GRIA3: variants seen among roughly 807,000 people sequenced by gnomAD.
GRIA3 encodes glutamate ionotropic receptor AMPA type subunit 3, also known as glutamate receptor 3.
GRIA3 carries 3 observed loss-of-function variants against 63.0 expected under a neutral mutation model. The ratio of observed to expected loss-of-function variants is 0.05; its 90% CI spans 0.02 to 0.12. The LOEUF is 0.12. GRIA3 is among the 10% of genes least tolerant of loss of function. The pLI is 1.00. For synonymous variants in GRIA3, 274 were observed against 257.9 expected (o/e 1.06, Z -0.60); for missense variants, 347 against 700.9 (o/e 0.50, Z 5.70).
intron 3 of GRIA3, among the ~76,000 whole-genome samples, chrX:123,302,781 A>G (rs777958661): frequency 9.0e-6 from 1 of 111,407 alleles, no homozygotes; most frequent in Non-Finnish European, 1.9e-5. Context: ...CCTATAAGCC[A>G]GAAAGATCCA....
intron 3 of GRIA3, among the ~76,000 whole-genome samples, chrX:123,281,427 G>A: frequency 8.9e-6 from 1 of 112,107 alleles, no homozygotes; most frequent in Non-Finnish European, 1.9e-5. Context: ...TCTAGTATTT[G>A]AAAAGAAGGG....
intron 11 of GRIA3, among the ~76,000 whole-genome samples, chrX:123,425,663 T>A (rs1160571767): frequency 8.9e-6 from 1 of 111,826 alleles, no homozygotes; most frequent in Non-Finnish European, 1.9e-5. Flanking sequence ...CCAGATGTTT[T>A]TACTTCTGAT....
chrX:123,214,869 A>G (rs1569400568), intron 2 of GRIA3, among the ~76,000 whole-genome samples: 1 of 111,955 alleles, frequency 8.9e-6, no homozygotes, highest in Non-Finnish European at 1.9e-5. Context: ...TGGCATCAAA[A>G]TGCAAAGTCA....
At chrX:123,260,738 C>T (rs553602829) in intron 3 of GRIA3, among the ~76,000 whole-genome samples, 1 of 108,386 alleles carries the variant, frequency 9.2e-6, no homozygotes, top group African/African-American at 3.4e-5. Flanking sequence ...GAAGGCCCAG[C>T]GAGTACATTA....
At chrX:123,340,112 T>C (rs775018828) in intron 4 of GRIA3, among the ~76,000 whole-genome samples, 1 of 112,013 alleles carries the variant, frequency 8.9e-6, no homozygotes, top group Admixed American at 9.5e-5. Flanking sequence ...ACTATGCCAT[T>C]ACATGGACCA....
chrX:123,293,133 C>T (rs1355208683), intron 3 of GRIA3, among the ~76,000 whole-genome samples: 2 of 110,298 alleles, frequency 1.8e-5, no homozygotes, highest in African/African-American at 6.6e-5. Flanking sequence ...AAGATAGACA[C>T]GGAAGAGTAG....
chrX:123,317,658 G>A (rs1210700783), intron 3 of GRIA3, among the ~76,000 whole-genome samples: 3 of 112,130 alleles, frequency 2.7e-5, no homozygotes, highest in Non-Finnish European at 1.9e-5. Context: ...TCCCATGGTC[G>A]TGGGCAGCTC....
chrX:123,220,445 CA>C (rs762044486), intron 2 of GRIA3, among the ~76,000 whole-genome samples: 16 of 112,169 alleles, frequency 1.4e-4, no homozygotes, highest in Admixed American at 7.5e-4. Context: ...CCTGGAGACA[CA>C]AATTTGTGGT....
At chrX:123,250,657 T>C (rs768032049) in intron 2 of GRIA3, among the ~76,000 whole-genome samples, 65 of 111,697 alleles carry the variant, frequency 5.8e-4, no homozygotes, top group African/African-American at 2.0e-3. Flanking sequence ...TTGAATCATT[T>C]TGGTTGAAGG....
chrX:123,345,439 AACACACACACACACACAC>A (rs59142587), intron 4 of GRIA3, among the ~76,000 whole-genome samples: 69 of 65,870 alleles, frequency 1.0e-3, no homozygotes, highest in Admixed American at 3.5e-3. Context: ...CCCCCTTCAC[AACACACACACACACACAC>A]ACACACACAC....
At chrX:123,422,194 G>A (rs1478345105) in intron 11 of GRIA3, among the ~76,000 whole-genome samples, 2 of 111,917 alleles carry the variant, frequency 1.8e-5, no homozygotes, top group Non-Finnish European at 3.8e-5. Flanking sequence ...AAATATTATC[G>A]AGAGTGTGTA....
At chrX:123,359,220 A>G (rs1603111625) in intron 5 of GRIA3, among the ~76,000 whole-genome samples, 1 of 112,197 alleles carries the variant, frequency 8.9e-6, no homozygotes. Context: ...CAACTATCCC[A>G]GCAATTCTGT....
chrX:123,449,842 T>G (rs2147417858), intron 12 of GRIA3, among the ~76,000 whole-genome samples: 1 of 112,024 alleles, frequency 8.9e-6, no homozygotes, highest in Admixed American at 9.5e-5. Context: ...GATACCATAC[T>G]TCCTGTCACC....
intron 12 of GRIA3, among the ~76,000 whole-genome samples, chrX:123,429,051 A>T (rs1012838206): frequency 1.8e-5 from 2 of 111,826 alleles, no homozygotes; most frequent in Non-Finnish European, 3.8e-5. Context: ...CTGTAACCAC[A>T]GTAACTAGTT....
At chrX:123,309,452 CTTTAGCAT>C (rs1319513464) in intron 3 of GRIA3, among the ~76,000 whole-genome samples, 1 of 111,332 alleles carries the variant, frequency 9.0e-6, no homozygotes, top group Non-Finnish European at 1.9e-5. Context: ...ATCCTTTCCT[CTTTAGCAT>C]TGCTGCTGAT....
chrX:123,232,736 A>C (rs769199783), intron 2 of GRIA3, among the ~76,000 whole-genome samples: 1 of 111,521 alleles, frequency 9.0e-6, no homozygotes, highest in East Asian at 2.8e-4. Flanking sequence ...TAAAAAAATT[A>C]ACTGTTAATA....
intron 12 of GRIA3, among the ~76,000 whole-genome samples, chrX:123,456,863 G>A (rs995891153): frequency 8.9e-6 from 1 of 111,756 alleles, no homozygotes; most frequent in Admixed American, 9.5e-5. Flanking sequence ...TAAGTGTTCC[G>A]TTCAGGCAGA....
At chrX:123,232,164 T>C (rs1304938670) in intron 2 of GRIA3, among the ~76,000 whole-genome samples, 1 of 111,968 alleles carries the variant, frequency 8.9e-6, no homozygotes, top group Non-Finnish European at 1.9e-5. Flanking sequence ...GAAGATGACA[T>C]AGCAGTAGGT....
intron 3 of GRIA3, among the ~76,000 whole-genome samples, chrX:123,319,819 A>T (rs1408444218): frequency 9.2e-6 from 1 of 109,188 alleles, no homozygotes; most frequent in Non-Finnish European, 1.9e-5. Context: ...ACCTCAGGAA[A>T]AAAAAAAAAA....
Sources: gnomAD v4.1 joint callset for allele counts (sites outside exome capture counted in the v4.1 genomes callset) on GRCh38, gnomAD v4.1.1 for gene constraint, MANE v1.5 for transcripts, NCBI Gene and HGNC (gene_info 2026-07-23, HGNC 2026-07-21) for gene names.